Variants in MEIS1 observed in about 807,000 individuals in gnomAD.
MEIS1 encodes homeobox protein Meis1.
MEIS1 carries 5 observed loss-of-function variants against 50.8 expected under a neutral mutation model. The ratio of observed to expected loss-of-function variants is 0.10; its 90% CI spans 0.05 to 0.21. The LOEUF is 0.21. Among genes scored for constraint, MEIS1 ranks in the 10% least tolerant of loss-of-function variants. The pLI, the probability that MEIS1 is intolerant of heterozygous loss-of-function variation, is 1.00. For synonymous variants in MEIS1, 176 were observed against 179.3 expected, an observed-to-expected ratio of 0.98 and a Z score of 0.15; for missense variants, 318 against 517.3, an observed-to-expected ratio of 0.61 and a Z score of 3.74.
At chr2:66,450,012 G>T (rs960989759) in intron 6 of MEIS1, among the ~76,000 whole-genome samples, 12 of 152,032 alleles carry the variant, frequency 7.9e-5, no homozygotes, top group Non-Finnish European at 1.6e-4. Context: ...AATTACAGCT[G>T]GAGTTGTATA....
At position 66,463,235 on chromosome 2, in the gene MEIS1, A is replaced by G. The variant is rs560074975; in HGVS notation, c.631-874A>G. Among the ~76,000 whole-genome samples, 3 of 151,372 alleles carry G rather than the reference A, an allele frequency of 2.0e-5. No individual in the cohort carries two copies. The East Asian group carries it at 5.8e-4, about 29-fold the overall frequency. On this transcript the variant is annotated intron_variant, in intron 6 of 12. Coordinates refer to ENST00000272369, the MANE Select transcript of MEIS1 (RefSeq NM_002398.3). ...TCCTGTTTTCCCACTAATAATCTTG[A>G]AGATAAATATCACTTCCTAGTGAAG...
At chr2:66,452,216 A>G (rs1311195731) in intron 6 of MEIS1, among the ~76,000 whole-genome samples, 1 of 151,916 alleles carries the variant, frequency 6.6e-6, no homozygotes, top group African/African-American at 2.4e-5. Flanking sequence ...ATTTGTGATA[A>G]ATCACCATTG....
intron 7 of MEIS1, among the ~76,000 whole-genome samples, chr2:66,470,556 G>C (rs1488459174): frequency 6.6e-6 from 1 of 152,016 alleles, no homozygotes; most frequent in Non-Finnish European, 1.5e-5. Flanking sequence ...ATGAAATCAG[G>C]TCATCTTAAA....
chr2:66,504,595 G>T (rs1673643194), intron 7 of MEIS1, among the ~76,000 whole-genome samples: 1 of 152,110 alleles, frequency 6.6e-6, no homozygotes. Context: ...GGAAAAGCTT[G>T]ATGGCAGATC....
chr2:66,544,544 G>A (rs1674742630), intron 8 of MEIS1, among the ~76,000 whole-genome samples: 1 of 152,102 alleles, frequency 6.6e-6, no homozygotes, highest in African/African-American at 2.4e-5. Flanking sequence ...ATAGACAAGG[G>A]TTTAGGAATG....
chr2:66,541,930 C>G (rs1674662458), intron 8 of MEIS1, among the ~76,000 whole-genome samples: 3 of 152,036 alleles, frequency 2.0e-5, no homozygotes. Flanking sequence ...TTCACTGAAA[C>G]AGTAAAACTA....
At chr2:66,479,387 C>T (rs1404373999) in intron 7 of MEIS1, among the ~76,000 whole-genome samples, 8 of 152,066 alleles carry the variant, frequency 5.3e-5, no homozygotes, top group Admixed American at 5.2e-4. Context: ...TTTATTTGGG[C>T]TGTGGGAAAA....
At chr2:66,439,529 T>G (rs1418766497) in intron 2 of MEIS1, 7 of 1,493,282 alleles carry the variant, frequency 4.7e-6, no homozygotes, top group South Asian at 1.3e-5. Context: ...GTGGGAAACT[T>G]AATTCAAAAT....
intron 6 of MEIS1, among the ~76,000 whole-genome samples, chr2:66,453,022 CTGGAATT>C: frequency 6.6e-6 from 1 of 151,918 alleles, no homozygotes; most frequent in Admixed American, 6.6e-5. Context: ...CATTTTTATT[CTGGAATT>C]TGGAATTTGC....
intron 8 of MEIS1, among the ~76,000 whole-genome samples, chr2:66,536,925 T>A (rs1674535009): frequency 6.6e-6 from 1 of 152,212 alleles, no homozygotes; most frequent in South Asian, 2.1e-4. Flanking sequence ...AAATTTTAGC[T>A]TTACAAAGGG....
intron 7 of MEIS1, among the ~76,000 whole-genome samples, chr2:66,481,265 CT>C (rs1673009122): frequency 1.3e-5 from 2 of 152,336 alleles, no homozygotes; most frequent in South Asian, 4.1e-4. Flanking sequence ...GCTCTCTATT[CT>C]GGTGCTAGGA....
intron 6 of MEIS1, among the ~76,000 whole-genome samples, chr2:66,447,233 A>T (rs1672174019): frequency 6.6e-6 from 1 of 152,162 alleles, no homozygotes; most frequent in Admixed American, 6.5e-5. Context: ...GGGAGGCAGA[A>T]AAATGGTCCC....
At chr2:66,465,397 C>A (rs1672609812) in intron 7 of MEIS1, among the ~76,000 whole-genome samples, 1 of 152,186 alleles carries the variant, frequency 6.6e-6, no homozygotes, top group African/African-American at 2.4e-5. Flanking sequence ...CCTCTGACCT[C>A]TGACTTTTAC....
rs1424331440 is a variant in MEIS1, at chr2:66,440,814, CGAGCCAGCGCGGG to C, written c.432+205_432+217del. ...TAAATTCATCTCGAGAGGGGCCGGG[CGAGCCAGCGCGGG>C]GAAACGCGAGCTTTTGTTTTTTATG... On this transcript the variant is annotated intron_variant, in intron 4 of 12. Transcript: ENST00000272369. 27 of 573,042 alleles carry C rather than the reference CGAGCCAGCGCGGG, an allele frequency of 4.7e-5. No homozygotes were observed. In the African/African-American group the frequency reaches 4.7e-4, roughly 10 times the overall value. The allele number at this position is 573,042 out of a possible 1,614,324, so 35.5% of individuals were successfully genotyped here. A position where few individuals can be genotyped will look rare whatever the true frequency, so the allele number is the denominator to read the frequency against.
At chr2:66,558,279 C>CAAAAAAAAAAAAAAAAAAAAAAAAA (rs59017279) in intron 9 of MEIS1, among the ~76,000 whole-genome samples, 283 of 57,066 alleles carry the variant, frequency 5.0e-3, no homozygotes, top group African/African-American at 5.9e-3. Flanking sequence ...AACTCCATCT[C>CAAAAAAAAAAAAAAAAAAAAAAAAA]AAAAAAAAAA....
At chr2:66,469,116 A>G (rs1397101861) in intron 7 of MEIS1, among the ~76,000 whole-genome samples, 1 of 151,970 alleles carries the variant, frequency 6.6e-6, no homozygotes, top group East Asian at 1.9e-4. Flanking sequence ...GCTTTTAATG[A>G]TTGCTGGAAT....
At chr2:66,500,365 C>A (rs897507258) in intron 7 of MEIS1, among the ~76,000 whole-genome samples, 2 of 152,076 alleles carry the variant, frequency 1.3e-5, no homozygotes, top group African/African-American at 4.8e-5. Flanking sequence ...TTAAATGTAG[C>A]CCATGTTGAA....
chr2:66,436,872 GTTTT>G, intron 1 of MEIS1: 4 of 890,982 alleles, frequency 4.5e-6, no homozygotes, highest in South Asian at 5.2e-5. Context: ...TATGAAAGTA[GTTTT>G]TTTTTTTTTT....
intron 7 of MEIS1, among the ~76,000 whole-genome samples, chr2:66,504,564 A>T (rs1673642688): frequency 6.6e-6 from 1 of 152,062 alleles, no homozygotes. Flanking sequence ...ACCATTTAAG[A>T]AACCTAAATT....
Sources: allele counts gnomAD v4.1 joint callset (sites outside exome capture counted in the v4.1 genomes callset), GRCh38; gene constraint gnomAD v4.1.1; transcripts MANE v1.5; gene names NCBI Gene and HGNC (gene_info 2026-07-23, HGNC 2026-07-21).